The following CD109 variants were observed in gnomAD, a reference collection of about 807,000 sequenced individuals.
CD109 encodes the protein CD109 molecule.
A neutral mutation model predicts 165.8 loss-of-function variants in CD109; 149 were observed. The observed-to-expected ratio is 0.90, with a 90% CI of 0.79 to 1.03. The LOEUF (loss-of-function observed/expected upper bound fraction) is 1.03, where lower values mean the gene tolerates loss of function less well. Among genes scored for constraint, CD109 ranks in the 50% least tolerant of loss-of-function variants. CD109 has a pLI of 0.00. For synonymous variants in CD109, 585 were observed against 592.1 expected (o/e 0.99, Z 0.18); for missense variants, 1,712 against 1,677.8 (o/e 1.02, Z -0.36).
In CD109 at chr6:73,782,595, T is replaced by A. The variant is rs1489270955; in HGVS notation, c.1964-19T>A. 1.2e-6 allele frequency: 2 copies of A among 1,605,068 alleles called. No homozygotes were observed. Among genetic ancestry groups the A allele is most frequent in the African/African-American group, 2.7e-5 (2 of 74,788 alleles). On this transcript the variant is annotated intron_variant, in intron 17 of 32. Transcript: ENST00000287097. ...CTCCAGTGACTGTTTTTCTAACTAC[T>A]GTCAATGTTTATTTATAGATGACAA...
In CD109 at chr6:73,762,366, A is replaced by T; in HGVS notation, c.759-18A>T. ...TATCAAGTTGATACATAAAAAGACT[A>T]TGTTTATAATTATTCAGGTATACAT... On this transcript the variant is annotated intron_variant, in intron 7 of 32. Coordinates refer to ENST00000287097, the MANE Select transcript of CD109 (RefSeq NM_133493.5). The T allele has an allele frequency of 2.1e-6, 3 of 1,442,096 alleles. No individual in the cohort carries two copies. Among genetic ancestry groups the T allele is most frequent in the Non-Finnish European group, 2.9e-6 (3 of 1,029,176 alleles). 89.3% of individuals were successfully genotyped at this position (1,442,096 alleles called of 1,614,324 possible).
In CD109 at chr6:73,808,181, G is replaced by A. The variant is rs1406117241; in HGVS notation, c.3288G>A (p.Leu1096=). 3 of 1,613,490 alleles carry A rather than the reference G, an allele frequency of 1.9e-6. No individual in the cohort carries two copies. Among genetic ancestry groups the A allele is most frequent in the East Asian group, 2.2e-5 (1 of 44,850 alleles). Residue 1096 remains leucine, a synonymous_variant, in exon 26 of 33, where the codon TTG becomes TTA. Coordinates refer to ENST00000287097, the MANE Select transcript of CD109 (RefSeq NM_133493.5). The stretch of plus-strand genomic sequence containing the variant: ...CTCTAGCCCTTATAACTTATGCATT[G>A]TCATCAGTGGGGAGTCCTAAAGCGA... ...NYTLALITYA[L]SSVGSPKAKE... is the part of the protein sequence containing the mutation.
rs138041492 is a variant in CD109 at position 73,706,185 on chromosome 6, C to T, written c.247+8613C>T. 3.1e-3 allele frequency among the ~76,000 whole-genome samples: 466 copies of T among 152,068 alleles called. 3 individuals are homozygous for T. Among genetic ancestry groups the T allele is most frequent in the Admixed American group, 6.7e-3 (102 of 15,250 alleles). ...TACAGTTTTAGGAAAACTTATTTACCGACTTGTAAATTGCACAGATCTGGC... is the reference window on the plus strand; with the variant it reads ...TACAGTTTTAGGAAAACTTATTTACTGACTTGTAAATTGCACAGATCTGGC... On this transcript the variant is annotated intron_variant, in intron 2 of 32. Transcript: ENST00000287097.
chr6:73,815,486 C>T (rs1167716964), intron 30 of CD109, among the ~76,000 whole-genome samples: 3 of 152,102 alleles, frequency 2.0e-5, no homozygotes, highest in African/African-American at 4.8e-5. Context: ...ATAATTATTT[C>T]GGGTTCATAT....
rs547928250 is a variant in CD109 at position 73,783,435 on chromosome 6, AAAT to A, written c.2106-268_2106-266del. Among the ~76,000 whole-genome samples, 5 of 152,344 alleles carry A rather than the reference AAAT, an allele frequency of 3.3e-5. No individual in the cohort carries two copies. In the South Asian group the frequency reaches 1.0e-3, roughly 32 times the overall value. ...TATTATCTATAAAAAATTTGTGAAA[AAAT>A]AATGTTTATTCTGAAGATGTAAATT... On this transcript the variant is annotated intron_variant, in intron 18 of 32. Transcript: ENST00000287097.
At chr6:73,812,116 A>C in intron 28 of CD109, 89 bp from the exon 29 acceptor site, 1 of 742,322 alleles carries the variant, frequency 1.3e-6, no homozygotes. Context: ...TTCTTTTCCT[A>C]ATGAGGGATA....
chr6:73,704,837 G>C (rs1251390617), intron 2 of CD109, among the ~76,000 whole-genome samples: 2 of 152,164 alleles, frequency 1.3e-5, no homozygotes, highest in Non-Finnish European at 2.9e-5. Context: ...AATATTAAAA[G>C]TGCAGAAGGC....
At chr6:73,747,367 C>T (rs567289695) in intron 5 of CD109, among the ~76,000 whole-genome samples, 6 of 152,334 alleles carry the variant, frequency 3.9e-5, no homozygotes, top group South Asian at 4.1e-4. Flanking sequence ...CTCTCTGCCT[C>T]CATTTTCCCA....
intron 2 of CD109, among the ~76,000 whole-genome samples, chr6:73,708,103 C>T (rs13201723): frequency 0.25 from 37,558 of 150,976 alleles, 4,869 homozygotes; most frequent in Admixed American, 0.31. Flanking sequence ...CACCCATTAA[C>T]GCGTCACTTA....
chr6:73,708,094 A>G (rs1023303495), intron 2 of CD109, among the ~76,000 whole-genome samples: 3 of 150,864 alleles, frequency 2.0e-5, no homozygotes, highest in African/African-American at 7.3e-5. Context: ...GGTGTGCTGC[A>G]CCCATTAACG....
At chr6:73,748,856 A>G (rs1773079724) in intron 5 of CD109, among the ~76,000 whole-genome samples, 1 of 152,136 alleles carries the variant, frequency 6.6e-6, no homozygotes, top group African/African-American at 2.4e-5. Flanking sequence ...CATTTTGCAA[A>G]CCCTATTGAC....
chr6:73,807,475 T>C (rs1775609075), intron 25 of CD109, among the ~76,000 whole-genome samples: 2 of 152,160 alleles, frequency 1.3e-5, no homozygotes, highest in South Asian at 4.1e-4. Flanking sequence ...ACAATATCTG[T>C]TAATTTAGTG....
chr6:73,737,442 C>G lies in CD109; in HGVS notation c.633+934C>G, dbSNP rs1772588345. 2.1e-5 allele frequency among the ~76,000 whole-genome samples: 3 copies of G among 143,456 alleles called. No individual in the cohort carries two copies. In the South Asian group the frequency reaches 6.8e-4, roughly 33 times the overall value. The allele number at this position is 143,456 out of a possible 152,430, so 94.1% of individuals were successfully genotyped here. A position where few individuals can be genotyped will look rare whatever the true frequency, so the allele number is the denominator to read the frequency against. ...GTATGATGTGTTTACCAATATTATT[C>G]TTTTTAAGGTAGCAGAAGCTCTACC... On this transcript the variant is annotated intron_variant, in intron 5 of 32. Transcript: ENST00000287097.
In CD109 at chr6:73,792,579, T is replaced by C. The variant is rs199529352; in HGVS notation, c.2702-47T>C. 2.7e-5 allele frequency: 43 copies of C among 1,569,052 alleles called. No homozygotes were observed. In the Middle Eastern group the frequency reaches 1.0e-3, roughly 37 times the overall value. ...AAGTCTCTTTGCCACCAGCAGGTCG[T>C]TGTTACTGAGTATTTACTGAATGAA... On this transcript the variant is annotated intron_variant, in intron 22 of 32. Coordinates refer to ENST00000287097, the MANE Select transcript of CD109 (RefSeq NM_133493.5).
chr6:73,762,186 C>T (rs1773662386), intron 7 of CD109, among the ~76,000 whole-genome samples, 198 bp from the exon 8 acceptor site: 1 of 152,106 alleles, frequency 6.6e-6, no homozygotes, highest in Admixed American at 6.6e-5. Flanking sequence ...TGGTCTTGCA[C>T]TCCTGACCTC....
chr6:73,772,877 A>G (rs949648103), intron 15 of CD109, among the ~76,000 whole-genome samples: 2 of 147,568 alleles, frequency 1.4e-5, no homozygotes, highest in Non-Finnish European at 3.0e-5. Flanking sequence ...CTACACAACT[A>G]TTTTTTTCAA....
intron 2 of CD109, among the ~76,000 whole-genome samples, chr6:73,707,324 A>C (rs536071397): frequency 5.9e-5 from 9 of 152,206 alleles, no homozygotes; most frequent in Non-Finnish European, 1.0e-4. Flanking sequence ...ACGTAGCTAC[A>C]TAGGGGCTTG....
intron 5 of CD109, among the ~76,000 whole-genome samples, chr6:73,739,684 T>TA (rs1772689660): frequency 6.6e-6 from 1 of 151,902 alleles, no homozygotes; most frequent in Non-Finnish European, 1.5e-5. Context: ...CCGTCTCTAC[T>TA]AAAAATACGA....
intron 23 of CD109, among the ~76,000 whole-genome samples, chr6:73,796,082 C>G (rs1775153361): frequency 6.6e-6 from 1 of 152,290 alleles, no homozygotes; most frequent in East Asian, 1.9e-4. Flanking sequence ...CTCTCCATCC[C>G]ACTGCTAATT....
Sources: gnomAD v4.1 joint callset for allele counts (sites outside exome capture counted in the v4.1 genomes callset) on GRCh38, gnomAD v4.1.1 for gene constraint, MANE v1.5 for transcripts, NCBI Gene and HGNC (gene_info 2026-07-23, HGNC 2026-07-21) for gene names.